The following CLYBL variants were observed in gnomAD, a reference collection of about 807,000 sequenced individuals.
CLYBL encodes the protein citramalyl-CoA lyase.
A neutral mutation model predicts 38.9 loss-of-function variants in CLYBL; 31 were observed. The observed-to-expected ratio is 0.80, with a 90% CI of 0.60 to 1.08. The LOEUF is 1.08. Among genes scored for constraint, CLYBL ranks in the 50% least tolerant of loss-of-function variants. The pLI is 0.00. For synonymous variants in CLYBL, 171 were observed against 158.6 expected, an observed-to-expected ratio of 1.08 and a Z score of -0.59; for missense variants, 434 against 411.6, an observed-to-expected ratio of 1.05 and a Z score of -0.47.
At chr13:99,651,157 G>T (rs9557274) in intron 1 of CLYBL, among the ~76,000 whole-genome samples, 1 of 152,322 alleles carries the variant, frequency 6.6e-6, no homozygotes, top group East Asian at 1.9e-4. Flanking sequence ...TGCCCAATGT[G>T]ATCTCTGCTC....
chr13:99,664,498 G>C (rs1458830875), intron 1 of CLYBL, among the ~76,000 whole-genome samples: 1 of 152,044 alleles, frequency 6.6e-6, no homozygotes, highest in Non-Finnish European at 1.5e-5. Flanking sequence ...ATATTAAATT[G>C]CTATTATGAT....
intron 2 of CLYBL, among the ~76,000 whole-genome samples, chr13:99,807,345 G>C (rs1327726279): frequency 1.3e-5 from 2 of 152,184 alleles, no homozygotes; most frequent in African/African-American, 4.8e-5. Flanking sequence ...GAATCCACTG[G>C]CTGGTATTCA....
intron 1 of CLYBL, among the ~76,000 whole-genome samples, chr13:99,738,044 C>G (rs1446715265): frequency 6.6e-6 from 1 of 152,162 alleles, no homozygotes; most frequent in African/African-American, 2.4e-5. Context: ...GCCTCCGGGA[C>G]ATTTTAAATA....
At chr13:99,682,342 A>G (rs1190343917) in intron 1 of CLYBL, among the ~76,000 whole-genome samples, 1 of 151,928 alleles carries the variant, frequency 6.6e-6, no homozygotes, top group Non-Finnish European at 1.5e-5. Flanking sequence ...TGGGGTTCCA[A>G]CATATTGGCC....
At chr13:99,827,047 G>C (rs576360847) in intron 2 of CLYBL, among the ~76,000 whole-genome samples, 53 of 152,230 alleles carry the variant, frequency 3.5e-4, no homozygotes, top group Non-Finnish European at 6.8e-4. Context: ...TTATCTCCAG[G>C]GTCATTTCTG....
At chr13:99,901,752 C>T (rs1233140250), downstream of CLYBL, among the ~76,000 whole-genome samples, 4 of 151,664 alleles carry the variant, frequency 2.6e-5, no homozygotes, top group South Asian at 2.1e-4. Flanking sequence ...CTCCACCTCC[C>T]GGGTTTAAGT....
intron 2 of CLYBL, among the ~76,000 whole-genome samples, chr13:99,785,786 C>T (rs1251151427): frequency 2.0e-5 from 3 of 151,988 alleles, no homozygotes; most frequent in Admixed American, 6.6e-5. Context: ...TTAGTAGAGA[C>T]AGGGTTTCAC....
chr13:99,874,293 A>T (rs948502523), intron 7 of CLYBL, among the ~76,000 whole-genome samples: 9 of 152,222 alleles, frequency 5.9e-5, no homozygotes, highest in African/African-American at 2.2e-4. Context: ...ATCCTTCCAG[A>T]AAAATGTTTT....
downstream of CLYBL, chr13:99,894,774 T>G (rs1594252832): frequency 6.6e-6 from 1 of 151,158 alleles, no homozygotes; most frequent in East Asian, 1.9e-4. Context: ...TCTTCATTGT[T>G]TTACTGAGGT....
At chr13:99,793,597 A>C (rs796553774) in intron 2 of CLYBL, among the ~76,000 whole-genome samples, 100 of 152,288 alleles carry the variant, frequency 6.6e-4, no homozygotes, top group African/African-American at 2.2e-3. Flanking sequence ...AAAAAACAAC[A>C]AAAAATTTTT....
At chr13:99,645,546 G>A (rs531418302) in intron 1 of CLYBL, among the ~76,000 whole-genome samples, 21 of 150,634 alleles carry the variant, frequency 1.4e-4, no homozygotes, top group African/African-American at 3.4e-4. Context: ...ATATCTTACC[G>A]TAGTTTTGAT....
At chr13:99,790,537 T>C (rs2049893099) in intron 2 of CLYBL, among the ~76,000 whole-genome samples, 1 of 152,238 alleles carries the variant, frequency 6.6e-6, no homozygotes, top group East Asian at 1.9e-4. Flanking sequence ...GCCCCCACTC[T>C]ATTCTGGCTT....
chr13:99,835,673 G>A lies in CLYBL; in HGVS notation c.250-23188G>A, dbSNP rs2139096699. Among the ~76,000 whole-genome samples the A allele has an allele frequency of 1.3e-5, 2 of 152,268 alleles. 1 individual carries two copies. Among genetic ancestry groups the A allele is most frequent in the Admixed American group, 1.3e-4 (2 of 15,292 alleles). On this transcript the variant is annotated intron_variant, in intron 2 of 8. Transcript: ENST00000339105. Reference sequence around the variant, plus strand: ...GCACATCACCCTGCACTGCATTTTTGCATTGCTCTTTATTGCATTTTTGCA... The same window carrying A: ...GCACATCACCCTGCACTGCATTTTTACATTGCTCTTTATTGCATTTTTGCA...
chr13:99,818,610 T>C (rs2050510278), intron 2 of CLYBL, among the ~76,000 whole-genome samples: 2 of 152,210 alleles, frequency 1.3e-5, no homozygotes, highest in African/African-American at 4.8e-5. Context: ...GGAGCTGAAA[T>C]GTGTTGCGAA....
chr13:99,765,493 G>T (rs2049250969), intron 1 of CLYBL, among the ~76,000 whole-genome samples: 2 of 150,426 alleles, frequency 1.3e-5, no homozygotes, highest in South Asian at 2.1e-4. Flanking sequence ...CTTTTTTTTT[G>T]AATAAGCTTT....
At position 99,609,179 on chromosome 13, in the gene CLYBL, T is replaced by G. The variant is rs1251406939; in HGVS notation, c.62+2422T>G. On this transcript the variant is annotated intron_variant, in intron 1 of 8. Coordinates refer to ENST00000339105, the MANE Select transcript of CLYBL (RefSeq NM_206808.5). ...AATTGACCTGTCTTTGTTTTTTTTT[T>G]TTTTTTTTTTTTTTTTGAGACAGAG... Among the ~76,000 whole-genome samples the G allele has an allele frequency of 6.2e-5, 8 of 128,166 alleles. No individual in the cohort carries two copies. The East Asian group carries it at 1.1e-3, about 18-fold the overall frequency. 84.1% of individuals were successfully genotyped at this position (128,166 alleles called of 152,430 possible).
chr13:99,748,429 G>GTTTTTTTTTTTTTTTTTTTTTTTTT (rs1165919560), intron 1 of CLYBL, among the ~76,000 whole-genome samples: 1 of 87,692 alleles, frequency 1.1e-5, no homozygotes, highest in Non-Finnish European at 2.0e-5. Flanking sequence ...CTAGTTTTGT[G>GTTTTTTTTTTTTTTTTTTTTTTTTT]TTTTTTTTTT....
chr13:99,837,813 G>A (rs1326172012), intron 2 of CLYBL, among the ~76,000 whole-genome samples: 3 of 152,194 alleles, frequency 2.0e-5, no homozygotes, highest in African/African-American at 7.2e-5. Context: ...GCACGTGTCC[G>A]AGCCCCACCA....
intron 1 of CLYBL, among the ~76,000 whole-genome samples, chr13:99,663,905 G>A (rs1236761840): frequency 6.6e-6 from 1 of 152,232 alleles, no homozygotes; most frequent in African/African-American, 2.4e-5. Flanking sequence ...TTTGTTTCAC[G>A]TGATGCAGAC....
Sources: gnomAD v4.1 joint callset for allele counts (sites outside exome capture counted in the v4.1 genomes callset) on GRCh38, gnomAD v4.1.1 for gene constraint, MANE v1.5 for transcripts, NCBI Gene and HGNC (gene_info 2026-07-23, HGNC 2026-07-21) for gene names.